TENM2: variants seen among roughly 807,000 people sequenced by gnomAD.
TENM2 encodes teneurin-2.
A neutral mutation model predicts 245.2 loss-of-function variants in TENM2; 52 were observed. The observed-to-expected ratio is 0.21, with a 90% CI of 0.17 to 0.27. TENM2 has a LOEUF of 0.27. TENM2 is among the 10% of genes least tolerant of loss of function. The pLI is 1.00. For synonymous variants in TENM2, 1,363 were observed against 1,438.9 expected (o/e 0.95, Z 1.19); for missense variants, 3,046 against 3,666.8 (o/e 0.83, Z 4.37).
intron 13 of TENM2, 39 bp downstream of exon 15, chr5:168,162,796 G>C (rs1405409416): frequency 1.2e-6 from 2 of 1,604,236 alleles, no homozygotes; most frequent in Admixed American, 1.7e-5. Flanking sequence ...CCTAAGAGCA[G>C]AGCGTTGTCC....
chr5:167,351,124 G>GATT (rs1554137911), intron 1 of TENM2, among the ~76,000 whole-genome samples: 3 of 120,106 alleles, frequency 2.5e-5, no homozygotes, highest in Non-Finnish European at 3.6e-5. Context: ...TATACATATG[G>GATT]ATATATATAT....
rs187271996 is a variant in TENM2, at chr5:167,363,498, G to C, written c.227-11700G>C. ...TGTAATTCCAGCACTTTGGGAGGTC[G>C]AGGCAGGCGGATCACAAGGTCAGGA... On this transcript the variant is annotated intron_variant, in intron 1 of 28. Coordinates refer to ENST00000518659, the Ensembl canonical transcript of TENM2. Among the ~76,000 whole-genome samples, 517 of 152,168 alleles carry C rather than the reference G, an allele frequency of 3.4e-3. 3 individuals are homozygous for C. Among genetic ancestry groups the C allele is most frequent in the Admixed American group, 6.3e-3 (96 of 15,284 alleles).
At position 168,247,001 on chromosome 5, in the gene TENM2, A is replaced by G. The variant is rs776336663; in HGVS notation, c.6062A>G (p.Lys2021Arg). 3.7e-6 allele frequency: 6 copies of G among 1,613,952 alleles called. No homozygotes were observed. The South Asian group carries it at 4.4e-5, about 12-fold the overall frequency. The change falls in exon 27 of 29, where the codon AAG becomes AGG. Residue 2021 changes from lysine (K) to arginine (R), a missense_variant. Lys to Arg is a conservative substitution (Grantham distance 26, BLOSUM62 2). Around this residue, in one of 2 missense-constraint regions of TENM2, gnomAD observed 2,704 missense variants for 3,331.9 expected, o/e 0.81. Coordinates refer to ENST00000518659, the Ensembl canonical transcript of TENM2. This position sits in a 1 kb window ranked among gnomAD's most constrained non-coding sequence, Gnocchi z 7.8. ...GGCACCGGACGCCAGGTGTTCTACA[A>G]GTATGGGAAACTCTCCAAGTTATCA...
At chr5:167,367,692 C>T (rs1443473741) in intron 1 of TENM2, among the ~76,000 whole-genome samples, 1 of 151,776 alleles carries the variant, frequency 6.6e-6, no homozygotes, top group Non-Finnish European at 1.5e-5. Context: ...CGGTTTTAAA[C>T]CGATTATTTT....
chr5:167,256,902 A>G, the TENM2 span, among the ~76,000 whole-genome samples: 5 of 152,318 alleles, frequency 3.3e-5, no homozygotes, highest in Admixed American at 3.3e-4. Context: ...ATCAAGTGGT[A>G]AAACAACTTA....
chr5:167,134,467 G>A, the TENM2 span, among the ~76,000 whole-genome samples: 1 of 152,154 alleles, frequency 6.6e-6, no homozygotes, highest in Non-Finnish European at 1.5e-5. Flanking sequence ...ATTCATTATT[G>A]GCAGTAGATT....
intron 2 of TENM2, among the ~76,000 whole-genome samples, chr5:167,783,059 T>C (rs891299769): frequency 3.3e-5 from 5 of 152,066 alleles, no homozygotes; most frequent in African/African-American, 1.2e-4. Flanking sequence ...CACTTAAAAG[T>C]GGGGAAGGGG....
intron 2 of TENM2, among the ~76,000 whole-genome samples, chr5:167,380,895 T>C (rs1450639587): frequency 6.6e-6 from 1 of 152,166 alleles, no homozygotes; most frequent in Non-Finnish European, 1.5e-5. Flanking sequence ...TGTTCAGTCA[T>C]TTTTTTAAGT....
At chr5:167,406,561 G>A (rs983260831) in intron 2 of TENM2, among the ~76,000 whole-genome samples, 7 of 152,054 alleles carry the variant, frequency 4.6e-5, no homozygotes, top group Non-Finnish European at 7.4e-5. Flanking sequence ...ATTATCCCTT[G>A]ATTTATAGTT....
intron 3 of TENM2, among the ~76,000 whole-genome samples, chr5:167,918,259 C>G (rs1777096029): frequency 6.6e-6 from 1 of 152,150 alleles, no homozygotes; most frequent in East Asian, 1.9e-4. Context: ...TAAAAAGGAG[C>G]TCTGAGATGT....
At chr5:167,379,486 C>T (rs1581889115) in intron 2 of TENM2, among the ~76,000 whole-genome samples, 1 of 152,116 alleles carries the variant, frequency 6.6e-6, no homozygotes. Flanking sequence ...TCCTTTCTCT[C>T]CAGAAAGCGG....
At chr5:167,410,607 A>G (rs1214407266) in intron 2 of TENM2, among the ~76,000 whole-genome samples, 2 of 152,034 alleles carry the variant, frequency 1.3e-5, no homozygotes, top group South Asian at 2.1e-4. Flanking sequence ...TATTCTCCCC[A>G]TAAAGTTCTG....
exon 17 of TENM2, chr5:168,199,987 C>T: frequency 6.2e-7 from 1 of 1,613,994 alleles, no homozygotes; most frequent in East Asian, 2.2e-5. Flanking sequence ...GCCCCTGAAC[C>T]TCATTAGGGT....
At chr5:168,064,048 C>T (rs936237462) in intron 7 of TENM2, among the ~76,000 whole-genome samples, 2 of 151,980 alleles carry the variant, frequency 1.3e-5, no homozygotes, top group Non-Finnish European at 2.9e-5. Flanking sequence ...CAGCCCCTGA[C>T]CAAGCAGAAC....
intron 4 of TENM2, among the ~76,000 whole-genome samples, chr5:167,955,228 C>A (rs1408337798): frequency 6.6e-6 from 1 of 152,102 alleles, no homozygotes; most frequent in Non-Finnish European, 1.5e-5. Flanking sequence ...TGATAATGAG[C>A]TTTTTTTCAT....
At chr5:167,803,646 T>C (rs1765941056) in intron 2 of TENM2, among the ~76,000 whole-genome samples, 1 of 152,054 alleles carries the variant, frequency 6.6e-6, no homozygotes, top group Non-Finnish European at 1.5e-5. Context: ...CATAAATACT[T>C]TGATTCAGAG....
At chr5:167,802,302 A>G (rs192323716) in intron 2 of TENM2, among the ~76,000 whole-genome samples, 4 of 152,276 alleles carry the variant, frequency 2.6e-5, no homozygotes, top group East Asian at 1.9e-4. Flanking sequence ...TGAACCCTCA[A>G]TGTGGAGTGT....
intron 1 of TENM2, among the ~76,000 whole-genome samples, chr5:167,368,533 A>G (rs938073284): frequency 6.6e-6 from 1 of 152,160 alleles, no homozygotes; most frequent in Non-Finnish European, 1.5e-5. Context: ...ACGCGATATG[A>G]CCAATGATTT....
chr5:167,021,818 G>C, the TENM2 span, among the ~76,000 whole-genome samples: 2 of 152,182 alleles, frequency 1.3e-5, no homozygotes, highest in African/African-American at 4.8e-5. Flanking sequence ...TCATGTACTA[G>C]CTGTGTTACC....
Sources: gnomAD v4.1 joint callset for allele counts (sites outside exome capture counted in the v4.1 genomes callset) on GRCh38, gnomAD v4.1.1 for gene constraint, gnomAD v4.1.1 regional missense constraint, Gnocchi (gnomAD v3.1) non-coding constraint, MANE v1.5 for transcripts, NCBI Gene and HGNC (gene_info 2026-07-23, HGNC 2026-07-21) for gene names.